Variants in ZBTB8A observed in about 807,000 individuals in gnomAD.
ZBTB8A encodes the protein zinc finger and BTB domain-containing protein 8A.
A neutral mutation model predicts 37.8 loss-of-function variants in ZBTB8A; 19 were observed. The observed-to-expected ratio is 0.50, with a 90% CI of 0.35 to 0.74. The LOEUF is 0.74. ZBTB8A is among the 30% of genes least tolerant of loss of function. ZBTB8A has a pLI of 0.01. For missense variants in ZBTB8A, 394 were observed against 537.8 expected, an observed-to-expected ratio of 0.73 and a Z score of 2.65; for synonymous variants, 181 against 185.2, an observed-to-expected ratio of 0.98 and a Z score of 0.19.
At chr1:32,588,193 C>CT (rs1644462914) in intron 2 of ZBTB8A, among the ~76,000 whole-genome samples, 1 of 152,096 alleles carries the variant, frequency 6.6e-6, no homozygotes, top group African/African-American at 2.4e-5. Context: ...GTTATGGAAA[C>CT]CCCAGTTTAT....
At chr1:32,570,241 A>G (rs1644314258) in intron 2 of ZBTB8A, among the ~76,000 whole-genome samples, 1 of 152,156 alleles carries the variant, frequency 6.6e-6, no homozygotes, top group Non-Finnish European at 1.5e-5. Flanking sequence ...TAATATATTC[A>G]TGTGTCTATT....
intron 2 of ZBTB8A, among the ~76,000 whole-genome samples, chr1:32,563,529 C>T (rs1245886633): frequency 6.6e-6 from 1 of 151,998 alleles, no homozygotes; most frequent in Admixed American, 6.6e-5. Context: ...ATGATGTGAT[C>T]TCAGCTCAGT....
rs575972782 is a variant in ZBTB8A at position 32,594,311 on chromosome 1, A to G, written c.823+557A>G. Among the ~76,000 whole-genome samples the G allele has an allele frequency of 1.9e-4, 29 of 152,166 alleles. 1 individual carries two copies. The South Asian group carries it at 6.0e-3, about 32-fold the overall frequency. On this transcript the variant is annotated intron_variant, in intron 3 of 4. Coordinates refer to ENST00000373510, the MANE Select transcript of ZBTB8A (RefSeq NM_001040441.3). ...AATAATAAGAATACTAAGGGTCAAA[A>G]CCCATGATTTTCCAAACCTGTATCT...
At chr1:32,559,507 A>G (rs1010064498) in intron 2 of ZBTB8A, among the ~76,000 whole-genome samples, 1 of 152,122 alleles carries the variant, frequency 6.6e-6, no homozygotes, top group African/African-American at 2.4e-5. Context: ...TGTGTCACCC[A>G]GGCTGGAGTG....
At chr1:32,572,230 T>C (rs780356597) in intron 2 of ZBTB8A, among the ~76,000 whole-genome samples, 3 of 152,176 alleles carry the variant, frequency 2.0e-5, no homozygotes, top group Non-Finnish European at 2.9e-5. Flanking sequence ...TAGATGAGTA[T>C]TATGTCTTTC....
chr1:32,585,859 C>T (rs180726693), intron 2 of ZBTB8A, among the ~76,000 whole-genome samples: 16 of 150,940 alleles, frequency 1.1e-4, no homozygotes, highest in Admixed American at 2.7e-4. Context: ...AAAAATCAGC[C>T]GGGCGTGGTG....
chr1:32,594,883 C>G (rs996550271), intron 3 of ZBTB8A, among the ~76,000 whole-genome samples, 171 bp from the exon 4 acceptor site: 1 of 151,764 alleles, frequency 6.6e-6, no homozygotes, highest in African/African-American at 2.4e-5. Context: ...AATAAAATTT[C>G]TTTCGTCTCT....
Position 32,567,340 on chromosome 1 carries a change from G to A in ZBTB8A, c.-2+13800G>A, listed in dbSNP as rs192411138. 1.2e-3 allele frequency among the ~76,000 whole-genome samples: 179 copies of A among 152,156 alleles called. 1 individual carries two copies. Among genetic ancestry groups the A allele is most frequent in the African/African-American group, 4.1e-3 (172 of 41,500 alleles). ...CACCAGGTCCTCTCTCTAACACTGGGGATTACAATTCAACATGAGATTTGG... is the reference window on the plus strand; with the variant it reads ...CACCAGGTCCTCTCTCTAACACTGGAGATTACAATTCAACATGAGATTTGG... On this transcript the variant is annotated intron_variant, in intron 2 of 4. Coordinates refer to ENST00000373510, the MANE Select transcript of ZBTB8A (RefSeq NM_001040441.3).
chr1:32,578,805 C>A (rs1644382065), intron 2 of ZBTB8A, among the ~76,000 whole-genome samples: 1 of 152,046 alleles, frequency 6.6e-6, no homozygotes, highest in African/African-American at 2.4e-5. Flanking sequence ...CCTCTAACTC[C>A]TGGACTCAAG....
chr1:32,568,524 C>G (rs1308804173), intron 2 of ZBTB8A, among the ~76,000 whole-genome samples: 1 of 151,882 alleles, frequency 6.6e-6, no homozygotes, highest in Non-Finnish European at 1.5e-5. Flanking sequence ...GTAGCTGGGA[C>G]TGCAGGCGCC....
rs148990456 is a variant in ZBTB8A, at chr1:32,595,590, G to T, written c.993+367G>T. Among the ~76,000 whole-genome samples the T allele has an allele frequency of 7.2e-4, 106 of 146,210 alleles. 2 individuals are homozygous for T. In the East Asian group the frequency reaches 0.019, roughly 26 times the overall value. On this transcript the variant is annotated intron_variant, in intron 4 of 4. Coordinates refer to ENST00000373510, the MANE Select transcript of ZBTB8A (RefSeq NM_001040441.3). ...GCCTTGTTTTGTTTTTTTTTTTTGAGACAGGGTCTCTCTCTATCGCCCAAG... is the reference window on the plus strand; with the variant it reads ...GCCTTGTTTTGTTTTTTTTTTTTGATACAGGGTCTCTCTCTATCGCCCAAG...
chr1:32,598,995 A>G (rs767909453), intron 4 of ZBTB8A, among the ~76,000 whole-genome samples: 18 of 152,150 alleles, frequency 1.2e-4, no homozygotes, highest in Non-Finnish European at 2.5e-4. Context: ...GTTTTAAATT[A>G]CTTGCTCCAA....
At chr1:32,587,731 A>G (rs770002194) in intron 2 of ZBTB8A, among the ~76,000 whole-genome samples, 7 of 152,024 alleles carry the variant, frequency 4.6e-5, no homozygotes, top group African/African-American at 7.3e-5. Flanking sequence ...CTCCAAAGTG[A>G]TATCTTTTTG....
At chr1:32,553,878 C>T (rs1379359954) in intron 2 of ZBTB8A, among the ~76,000 whole-genome samples, 1 of 111,170 alleles carries the variant, frequency 9.0e-6, no homozygotes, top group Non-Finnish European at 1.8e-5. Flanking sequence ...AAGAGCGAAA[C>T]TCTGTCTCAA....
rs1240373855 is a variant in ZBTB8A at position 32,603,903 on chromosome 1, T to C, written c.*3484T>C. On this transcript the variant is annotated 3_prime_UTR_variant, in exon 5 of 5. Transcript: ENST00000373510. ...ATGTTTGTAAGTTGTAAATAATGACTCCAGTTATAGCATATATATCTAAGA... is the reference window on the plus strand; with the variant it reads ...ATGTTTGTAAGTTGTAAATAATGACCCCAGTTATAGCATATATATCTAAGA... 2 of 152,350 alleles carry C rather than the reference T, an allele frequency of 1.3e-5. No homozygotes were observed. Among genetic ancestry groups the C allele is most frequent in the South Asian group, 4.1e-4 (2 of 4,834 alleles). The allele number at this position is 152,350 out of a possible 1,614,324, so 9.4% of individuals were successfully genotyped here.
chr1:32,555,662 C>T (rs1644195717), intron 2 of ZBTB8A, among the ~76,000 whole-genome samples: 1 of 152,274 alleles, frequency 6.6e-6, no homozygotes, highest in Admixed American at 6.5e-5. Flanking sequence ...CTCTGAGCCC[C>T]TTCATTTCTG....
At chr1:32,547,558 T>A (rs950279181) in intron 1 of ZBTB8A, among the ~76,000 whole-genome samples, 2 of 149,188 alleles carry the variant, frequency 1.3e-5, no homozygotes, top group Non-Finnish European at 3.0e-5. Context: ...GCAAATCTTA[T>A]TTTAGGTTAT....
chr1:32,585,027 C>CTTT (rs1163697499), intron 2 of ZBTB8A, among the ~76,000 whole-genome samples: 93 of 105,574 alleles, frequency 8.8e-4, no homozygotes, highest in Non-Finnish European at 1.1e-3. Context: ...TTTCAGATTT[C>CTTT]TTTTTTTTTT....
rs1465090611 is a variant in ZBTB8A at position 32,548,114 on chromosome 1, C to A, written c.-83-5345C>A. 2.6e-5 allele frequency among the ~76,000 whole-genome samples: 3 copies of A among 116,552 alleles called. No homozygotes were observed. The Admixed American group carries it at 3.4e-4, about 13-fold the overall frequency. The allele number at this position is 116,552 out of a possible 152,430, so 76.5% of individuals were successfully genotyped here. Reference sequence around the variant, plus strand: ...CACCACTGCACTCCAGCTTGGGCGACAGAGCTAGACTCCGTCTCAAATTAA... The same window carrying A: ...CACCACTGCACTCCAGCTTGGGCGAAAGAGCTAGACTCCGTCTCAAATTAA... On this transcript the variant is annotated intron_variant, in intron 1 of 4. Transcript: ENST00000373510.
Sources: gnomAD v4.1 joint callset for allele counts (sites outside exome capture counted in the v4.1 genomes callset) on GRCh38, gnomAD v4.1.1 for gene constraint, MANE v1.5 for transcripts, NCBI Gene and HGNC (gene_info 2026-07-23, HGNC 2026-07-21) for gene names.